The following LPA variants were observed in gnomAD, a reference collection of about 807,000 sequenced individuals.
The protein encoded by LPA is lipoprotein(a), also known as apolipoprotein(a).
A neutral mutation model predicts 197.9 loss-of-function variants in LPA; 199 were observed. The ratio of observed to expected loss-of-function variants is 1.01; its 90% CI spans 0.90 to 1.13. The LOEUF is 1.13. Among genes scored for constraint, LPA ranks in the 50% most tolerant of loss-of-function variants. The pLI, the probability that LPA is intolerant of heterozygous loss-of-function variation, is 0.00. For synonymous variants in LPA, 715 were observed against 639.5 expected, an observed-to-expected ratio of 1.12 and a Z score of -1.78; for missense variants, 1,853 against 1,785.8, an observed-to-expected ratio of 1.04 and a Z score of -0.68.
intron 26 of LPA, among the ~76,000 whole-genome samples, chr6:160,582,955 C>A (rs1778828555): frequency 6.6e-6 from 1 of 152,086 alleles, no homozygotes; most frequent in Non-Finnish European, 1.5e-5. Context: ...TCTGTACTAT[C>A]TAATATGATT....
chr6:160,543,320 T>C (rs1023612337), intron 33 of LPA, among the ~76,000 whole-genome samples: 12 of 152,174 alleles, frequency 7.9e-5, no homozygotes, highest in Non-Finnish European at 1.5e-4. Context: ...GTGTCCCATC[T>C]TTGGTACCAC....
At chr6:160,604,021 G>A (rs1435659047) in intron 18 of LPA, among the ~76,000 whole-genome samples, 1 of 152,110 alleles carries the variant, frequency 6.6e-6, no homozygotes. Context: ...CTATTCCTCA[G>A]GATATATTCT....
chr6:160,555,294 AGTGTGT>A (rs10552460), intron 30 of LPA, among the ~76,000 whole-genome samples: 129 of 133,846 alleles, frequency 9.6e-4, no homozygotes, highest in African/African-American at 2.9e-3. Context: ...ATTATATGTT[AGTGTGT>A]GTGTGTGTGT....
chr6:160,577,437 G>C (rs1035438758), intron 27 of LPA, 142 bp from the exon 28 acceptor site: 30 of 689,448 alleles, frequency 4.4e-5, no homozygotes, highest in Non-Finnish European at 6.7e-5. Context: ...GATGTGAAAA[G>C]ACCCAGTAGA....
At chr6:160,565,869 C>G (rs1302750667) in intron 28 of LPA, among the ~76,000 whole-genome samples, 3 of 152,136 alleles carry the variant, frequency 2.0e-5, no homozygotes, top group Non-Finnish European at 4.4e-5. Flanking sequence ...GGCACGAGAA[C>G]TACGTGACAC....
intron 32 of LPA, among the ~76,000 whole-genome samples, chr6:160,547,111 C>T (rs935213136): frequency 6.6e-6 from 1 of 152,096 alleles, no homozygotes; most frequent in Non-Finnish European, 1.5e-5. Flanking sequence ...TTCCATTTAT[C>T]GTGCACTTTA....
intron 26 of LPA, among the ~76,000 whole-genome samples, chr6:160,583,553 A>G (rs1778839695): frequency 6.6e-6 from 1 of 152,106 alleles, no homozygotes; most frequent in African/African-American, 2.4e-5. Context: ...GAGCTCTGGC[A>G]TCTTCATTGA....
intron 22 of LPA, 140 bp downstream of exon 22, chr6:160,593,818 A>T (rs1779077444): frequency 1.9e-6 from 2 of 1,068,366 alleles, no homozygotes; most frequent in South Asian, 2.7e-5. Context: ...ACTGTGCCTG[A>T]AGAAAGAAGC....
In LPA at chr6:160,536,185, C is replaced by T. The variant is rs535445248; in HGVS notation, c.5842+1670G>A. 1.6e-4 allele frequency among the ~76,000 whole-genome samples: 24 copies of T among 152,312 alleles called. 1 individual carries two copies. The South Asian group carries it at 5.0e-3, about 32-fold the overall frequency. Reference sequence around the variant, plus strand: ...CGGTACAGCCACAGCACCACAGCATCTGCAGCCATGGGAATGTCACCTTTG... The same window carrying T: ...CGGTACAGCCACAGCACCACAGCATTTGCAGCCATGGGAATGTCACCTTTG... On this transcript the variant is annotated intron_variant, in intron 37 of 38. Coordinates refer to ENST00000316300, the MANE Select transcript of LPA (RefSeq NM_005577.4).
intron 28 of LPA, among the ~76,000 whole-genome samples, chr6:160,561,347 T>A (rs1199718944): frequency 6.6e-6 from 1 of 152,372 alleles, no homozygotes; most frequent in East Asian, 1.9e-4. Flanking sequence ...TGCTTATTTT[T>A]GTCCAGTTTG....
Position 160,611,294 on chromosome 6 carries a change from G to C in LPA, c.2603+268C>G, listed in dbSNP as rs1342511170. 3.3e-5 allele frequency among the ~76,000 whole-genome samples: 5 copies of C among 152,154 alleles called. No homozygotes were observed. In the South Asian group the frequency reaches 6.2e-4, roughly 19 times the overall value. On this transcript the variant is annotated intron_variant, in intron 16 of 38. Transcript: ENST00000316300. ...TTGGGCAAGGGTAATCTAAGTGTTT[G>C]GTGGTTCGTCATTCTGACTTTCTTC...
chr6:160,542,139 G>A (rs568705573), intron 34 of LPA, among the ~76,000 whole-genome samples: 1 of 152,264 alleles, frequency 6.6e-6, no homozygotes, highest in Admixed American at 6.5e-5. Flanking sequence ...TACCCAAAAT[G>A]TCCAGGTTCT....
At chr6:160,606,353 A>T in intron 17 of LPA, 124 bp downstream of exon 17, 6 of 1,396,754 alleles carry the variant, frequency 4.3e-6, no homozygotes, top group East Asian at 2.3e-5. Context: ...TTCCTCCTAC[A>T]TGACAGAACT....
chr6:160,572,817 T>A (rs1778586950), intron 28 of LPA, among the ~76,000 whole-genome samples: 1 of 152,228 alleles, frequency 6.6e-6, no homozygotes, highest in African/African-American at 2.4e-5. Context: ...ACCTGGTGCT[T>A]CTGTCTCACA....
chr6:160,635,236 G>C lies in LPA; in HGVS notation c.962C>G (p.Pro321Arg). Residue 321 changes from proline to arginine, a missense_variant, in exon 7 of 39, where the codon CCC (proline) becomes CGC (arginine). Around this residue, in one of 3 missense-constraint regions of LPA, gnomAD observed 28 missense variants for 198.4 expected, o/e 0.14. Transcript: ENST00000316300. ...VAAPYCYTRD[P>R]GVRWEYCNLT... is the part of the protein sequence containing the mutation. Reference sequence around the variant, plus strand: ...GTTGCAGTACTCCCACCTGACACCGGGATCCCTCGTATAACAATAAGGAGC... The same window carrying C: ...GTTGCAGTACTCCCACCTGACACCGCGATCCCTCGTATAACAATAAGGAGC... 7.8e-7 allele frequency: 1 copy of C among 1,277,014 alleles called. No homozygotes were observed. The highest frequency in any genetic ancestry group is 1.1e-6 in the Non-Finnish European group (1 of 910,000). The allele number at this position is 1,277,014 out of a possible 1,614,324, so 79.1% of individuals were successfully genotyped here. A position where few individuals can be genotyped will look rare whatever the true frequency, so the allele number is the denominator to read the frequency against.
intron 21 of LPA, 80 bp downstream of exon 21, chr6:160,595,274 G>T: frequency 6.5e-7 from 1 of 1,537,818 alleles, no homozygotes; most frequent in Non-Finnish European, 8.9e-7. Flanking sequence ...GAGCATGGAA[G>T]GCTTCTATAT....
rs1562334012 is a variant in LPA at position 160,589,575 on chromosome 6, T to C, written c.3925A>G (p.Thr1309Ala). ...SSMTPHWHQRTTEYYPNGGLT... is the reference protein window; with the variant it reads ...SSMTPHWHQRATEYYPNGGLT... ...TACCCATTTGGGTAGTATTCTGTGG[T>C]TCTCTGATGCCAGTGTGGTGTCATA... Residue 1309 changes from threonine (T) to alanine (A), a missense_variant, in exon 24 of 39, where the codon ACC becomes GCC. Physicochemically the swap from Thr to Ala is moderately conservative, Grantham distance 58. This residue lies in a region of LPA where 1,737 missense variants were observed against 1,504.4 expected (regional missense o/e 1.15). Coordinates refer to ENST00000316300, the MANE Select transcript of LPA (RefSeq NM_005577.4). 8 of 1,613,880 alleles carry C rather than the reference T, an allele frequency of 5.0e-6. No homozygotes were observed. The highest frequency in any genetic ancestry group is 5.9e-6 in the Non-Finnish European group (7 of 1,179,842).
At chr6:160,590,922 T>G (rs542497040) in intron 23 of LPA, 22 bp downstream of exon 23, 1 of 1,613,860 alleles carries the variant, frequency 6.2e-7, no homozygotes, top group South Asian at 1.1e-5. Context: ...AGGGTGTGGT[T>G]GTCTGGCCAG....
intron 20 of LPA, among the ~76,000 whole-genome samples, chr6:160,597,968 G>A (rs961171087): frequency 6.6e-6 from 1 of 152,178 alleles, no homozygotes; most frequent in Non-Finnish European, 1.5e-5. Flanking sequence ...CCATTTTAAT[G>A]CTTGGAGATT....
Sources: allele counts gnomAD v4.1 joint callset (sites outside exome capture counted in the v4.1 genomes callset), GRCh38; gene constraint gnomAD v4.1.1; regional missense constraint gnomAD v4.1.1; transcripts MANE v1.5; gene names NCBI Gene and HGNC (gene_info 2026-07-23, HGNC 2026-07-21).